TRAPPC9: variants seen among roughly 807,000 people sequenced by gnomAD.
The protein encoded by TRAPPC9 is IKK2 binding protein.
A neutral mutation model predicts 124.0 loss-of-function variants in TRAPPC9; 83 were observed. The observed-to-expected ratio is 0.67, with a 90% CI of 0.56 to 0.80. The LOEUF is 0.80. Among genes scored for constraint, TRAPPC9 ranks in the 30% least tolerant of loss-of-function variants. The pLI is 0.00. For synonymous variants in TRAPPC9, 638 were observed against 617.5 expected (o/e 1.03, Z -0.49); for missense variants, 1,302 against 1,508.3 (o/e 0.86, Z 2.27).
intron 21 of TRAPPC9, among the ~76,000 whole-genome samples, chr8:139,734,554 G>A (rs890320615): frequency 6.6e-6 from 1 of 152,232 alleles, no homozygotes; most frequent in Non-Finnish European, 1.5e-5. Context: ...AGGTCAGACT[G>A]CCCTCCAGGA....
rs75157590 is a variant in TRAPPC9 at position 140,279,665 on chromosome 8, G to A, written c.2115-3844C>T. ...CAGCACATCTTGTTGAGAGGTAGCA[G>A]GTACCAGAGCATGCACGCACCCCCG... is the stretch of plus-strand genomic sequence containing the variant. On this transcript the variant is annotated intron_variant, in intron 14 of 22. Transcript: ENST00000438773. Among the ~76,000 whole-genome samples the A allele has an allele frequency of 8.3e-4, 127 of 152,246 alleles. No homozygotes were observed. The East Asian group carries it at 0.018, about 21-fold the overall frequency.
At chr8:140,204,134 T>A (rs754793440) in intron 17 of TRAPPC9, among the ~76,000 whole-genome samples, 2 of 152,006 alleles carry the variant, frequency 1.3e-5, no homozygotes, top group African/African-American at 4.8e-5. Flanking sequence ...CAGTAATGAG[T>A]GAGTTCTCAC....
intron 17 of TRAPPC9, among the ~76,000 whole-genome samples, chr8:140,109,444 C>T (rs2060723592): frequency 6.6e-6 from 1 of 152,022 alleles, no homozygotes; most frequent in African/African-American, 2.4e-5. Flanking sequence ...ATGATTGCCA[C>T]TCAAAAATAC....
intron 17 of TRAPPC9, among the ~76,000 whole-genome samples, chr8:140,140,299 A>G (rs893352314): frequency 6.6e-6 from 1 of 152,200 alleles, no homozygotes; most frequent in African/African-American, 2.4e-5. Context: ...TTTATAAATT[A>G]CATTTAACTT....
chr8:140,015,967 T>C (rs1366597704), intron 18 of TRAPPC9, among the ~76,000 whole-genome samples: 1 of 152,216 alleles, frequency 6.6e-6, no homozygotes, highest in Non-Finnish European at 1.5e-5. Flanking sequence ...ACCACCTGGC[T>C]GCATGTTCCA....
intron 9 of TRAPPC9, among the ~76,000 whole-genome samples, chr8:140,334,878 G>T (rs991997559): frequency 6.6e-6 from 1 of 151,848 alleles, no homozygotes; most frequent in Non-Finnish European, 1.5e-5. Flanking sequence ...AGGTGCAGAG[G>T]AATAAATTAA....
intron 11 of TRAPPC9, chr8:140,291,394 G>T (rs570158680): frequency 1.6e-5 from 7 of 431,794 alleles, no homozygotes; most frequent in African/African-American, 4.0e-5. Flanking sequence ...GCTTCACGGG[G>T]CCCAGAAGCT....
chr8:139,835,822 G>C (rs940995530), intron 21 of TRAPPC9, among the ~76,000 whole-genome samples: 2 of 151,894 alleles, frequency 1.3e-5, no homozygotes, highest in African/African-American at 4.8e-5. Flanking sequence ...GTTACAAAAA[G>C]GATGAGGCTC....
intron 21 of TRAPPC9, among the ~76,000 whole-genome samples, chr8:139,876,923 C>T (rs1829356029): frequency 1.3e-5 from 2 of 152,254 alleles, no homozygotes; most frequent in African/African-American, 2.4e-5. Flanking sequence ...AGCACCACAT[C>T]TCCTCCAAGA....
At chr8:139,802,372 G>A (rs1339523038) in intron 21 of TRAPPC9, among the ~76,000 whole-genome samples, 5 of 152,280 alleles carry the variant, frequency 3.3e-5, no homozygotes, top group African/African-American at 1.2e-4. Context: ...CTGTGTTTGG[G>A]AGAAAAGGGT....
chr8:139,822,067 G>T (rs1242045939), intron 21 of TRAPPC9, among the ~76,000 whole-genome samples: 1 of 152,202 alleles, frequency 6.6e-6, no homozygotes, highest in Non-Finnish European at 1.5e-5. Context: ...TAGGGACCGT[G>T]GGGTGCTGCA....
intron 17 of TRAPPC9, among the ~76,000 whole-genome samples, chr8:140,164,898 C>A (rs556533785): frequency 7.1e-4 from 108 of 152,340 alleles, no homozygotes; most frequent in Middle Eastern, 3.4e-3. Context: ...TCTCTCACCC[C>A]CACCAGCAGC....
rs1056394673 is a variant in TRAPPC9, at chr8:139,961,561, G to A, written c.2810+27165C>T. On this transcript the variant is annotated intron_variant, in intron 19 of 22. Coordinates refer to ENST00000438773, the MANE Select transcript of TRAPPC9 (RefSeq NM_001160372.4). ...TCTCAGGGGAGCCAGGAACAGGCAG[G>A]AACTGCCTTCCCAGGTGTGGTTGCA... is the stretch of plus-strand genomic sequence containing the variant. Among the ~76,000 whole-genome samples, 24 of 124,440 alleles carry A rather than the reference G, an allele frequency of 1.9e-4. 6 individuals carry two copies. The highest frequency in any genetic ancestry group is 1.5e-3 in the Admixed American group (18 of 11,934). The allele number at this position is 124,440 out of a possible 152,430, so 81.6% of individuals were successfully genotyped here.
At chr8:139,905,049 G>A (rs1831262367) in intron 20 of TRAPPC9, 1 of 152,244 alleles carries the variant, frequency 6.6e-6, no homozygotes, top group Non-Finnish European at 1.5e-5. Context: ...TAGCTGGAGG[G>A]TAAGAAGAAG....
intron 17 of TRAPPC9, among the ~76,000 whole-genome samples, chr8:140,183,896 G>A (rs1483438673): frequency 3.2e-4 from 4 of 12,308 alleles, no homozygotes; most frequent in African/African-American, 1.0e-3. Context: ...GAAGAGGAGA[G>A]GAGAGGAGAG....
At chr8:139,960,540 C>G (rs926871480) in intron 19 of TRAPPC9, among the ~76,000 whole-genome samples, 1 of 152,230 alleles carries the variant, frequency 6.6e-6, no homozygotes, top group African/African-American at 2.4e-5. Flanking sequence ...CCACTACTAC[C>G]CGTATCTGTG....
At chr8:140,404,905 CATGCGT>C (rs1564002434) in intron 6 of TRAPPC9, among the ~76,000 whole-genome samples, 6 of 58,706 alleles carry the variant, frequency 1.0e-4, no homozygotes, top group South Asian at 1.3e-3. Context: ...TGTGTGTGAG[CATGCGT>C]GTGTGTGTGT....
At chr8:140,157,212 T>C (rs1361379937) in intron 17 of TRAPPC9, among the ~76,000 whole-genome samples, 2 of 45,318 alleles carry the variant, frequency 4.4e-5, no homozygotes, top group African/African-American at 1.0e-4. Context: ...AGCCTCCCTT[T>C]TCCATTCAAA....
At chr8:140,035,136 G>C (rs765498947) in intron 17 of TRAPPC9, among the ~76,000 whole-genome samples, 1 of 152,256 alleles carries the variant, frequency 6.6e-6, no homozygotes, top group African/African-American at 2.4e-5. Context: ...TTAGGCAGCA[G>C]AGATTTGTTA....
Sources: allele counts gnomAD v4.1 joint callset (sites outside exome capture counted in the v4.1 genomes callset), GRCh38; gene constraint gnomAD v4.1.1; transcripts MANE v1.5; gene names NCBI Gene and HGNC (gene_info 2026-07-23, HGNC 2026-07-21).